Variants in KALRN observed in about 807,000 individuals in gnomAD.
The protein encoded by KALRN is kalirin RhoGEF kinase, also known as kalirin.
KALRN carries 70 observed loss-of-function variants against 353.7 expected under a neutral mutation model. That is an observed-to-expected ratio of 0.20 (90% CI 0.16 to 0.24). The LOEUF is 0.24. KALRN is among the 10% of genes least tolerant of loss of function. The pLI is 1.00. For missense variants in KALRN, 2,791 were observed against 3,756.7 expected (o/e 0.74, Z 6.72); for synonymous variants, 1,391 against 1,434.8 (o/e 0.97, Z 0.69).
chr3:124,608,722 A>G (rs1158251663), intron 34 of KALRN, among the ~76,000 whole-genome samples: 1 of 152,240 alleles, frequency 6.6e-6, no homozygotes, highest in East Asian at 1.9e-4. Flanking sequence ...CTTAGAACAC[A>G]TAACTGAATC....
intron 1 of KALRN, among the ~76,000 whole-genome samples, chr3:124,199,617 A>C (rs1579289816): frequency 6.6e-6 from 1 of 152,222 alleles, no homozygotes; most frequent in Non-Finnish European, 1.5e-5. Flanking sequence ...ATTAGATGCA[A>C]TCCTTTTTTC....
At chr3:124,565,970 A>G (rs1375895210) in intron 34 of KALRN, among the ~76,000 whole-genome samples, 1 of 152,240 alleles carries the variant, frequency 6.6e-6, no homozygotes, top group African/African-American at 2.4e-5. Flanking sequence ...GCAAGAGACA[A>G]AGCTGGGAGG....
intron 1 of KALRN, among the ~76,000 whole-genome samples, chr3:124,051,651 T>C (rs570413315): frequency 6.6e-6 from 1 of 152,312 alleles, no homozygotes; most frequent in African/African-American, 2.4e-5. Flanking sequence ...TTCACCTCTT[T>C]TGATGCGGAA....
At chr3:124,481,692 C>T (rs937902887) in intron 27 of KALRN, among the ~76,000 whole-genome samples, 1 of 152,184 alleles carries the variant, frequency 6.6e-6, no homozygotes, top group South Asian at 2.1e-4. Context: ...ATCATCTAAA[C>T]ACACAATGAT....
chr3:124,584,978 T>A, intron 34 of KALRN: 1 of 1,522,396 alleles, frequency 6.6e-7, no homozygotes, highest in Non-Finnish European at 8.9e-7. Context: ...GGGAGGGTGG[T>A]AGGGAGGGAA....
chr3:124,598,498 C>T (rs1184169026), intron 34 of KALRN, among the ~76,000 whole-genome samples: 2 of 152,144 alleles, frequency 1.3e-5, no homozygotes, highest in Non-Finnish European at 2.9e-5. Context: ...CCTCCTGACT[C>T]CTGGTCCCCT....
Position 124,674,440 on chromosome 3 carries a change from T to A in KALRN, c.7019T>A (p.Ile2340Asn). ...TACTATGCACTGAAGGAGAATGAAA[T>A]CTGTGTGAGCCAAGGTGAGGTGGTC... ...KDYYALKENEICVSQGEVVQV... is the reference protein window; with the variant it reads ...KDYYALKENENCVSQGEVVQV... Residue 2340 changes from isoleucine (I) to asparagine (N), a missense_variant, in exon 49 of 60, where the codon ATC (isoleucine) becomes AAC (asparagine). Physicochemically the swap from Ile to Asn is moderately radical, Grantham distance 149. Coordinates refer to ENST00000682506, the MANE Select transcript of KALRN (RefSeq NM_001388419.1). The A allele has an allele frequency of 1.2e-6, 2 of 1,613,866 alleles. No homozygotes were observed. The highest frequency in any genetic ancestry group is 8.5e-7 in the Non-Finnish European group (1 of 1,179,934).
chr3:124,177,900 G>A (rs1424510728), intron 1 of KALRN, among the ~76,000 whole-genome samples: 3 of 152,108 alleles, frequency 2.0e-5, no homozygotes, highest in Non-Finnish European at 4.4e-5. Flanking sequence ...ATGGATCTCT[G>A]GGTAATAGGT....
chr3:124,380,596 A>G (rs149682531), intron 10 of KALRN, among the ~76,000 whole-genome samples: 1 of 152,330 alleles, frequency 6.6e-6, no homozygotes, highest in East Asian at 1.9e-4. Flanking sequence ...CAAGGCAGAG[A>G]CTAGGAGACT....
At chr3:124,485,581 A>AT (rs1030608642) in intron 28 of KALRN, among the ~76,000 whole-genome samples, 30 of 152,122 alleles carry the variant, frequency 2.0e-4, no homozygotes, top group African/African-American at 7.0e-4. Context: ...AATTATTTTT[A>AT]TTTTTTTAAG....
At chr3:124,522,148 T>C (rs2067215907) in intron 33 of KALRN, among the ~76,000 whole-genome samples, 1 of 151,872 alleles carries the variant, frequency 6.6e-6, no homozygotes, top group Non-Finnish European at 1.5e-5. Flanking sequence ...TCATTTTCTT[T>C]ATTTAGTGAC....
chr3:124,588,615 G>A (rs13092888), intron 34 of KALRN, among the ~76,000 whole-genome samples: 44,722 of 151,906 alleles, frequency 0.29, 7,319 homozygotes, highest in Middle Eastern at 0.4. Context: ...CAGTAGAGAC[G>A]GGGTTTCACC....
At chr3:124,678,444 T>C in intron 50 of KALRN, 131 bp downstream of exon 50, 5 of 969,488 alleles carry the variant, frequency 5.2e-6, no homozygotes, top group Non-Finnish European at 7.6e-6. Flanking sequence ...GGGAAGTAGT[T>C]TAGCAGGATT....
intron 1 of KALRN, among the ~76,000 whole-genome samples, chr3:124,213,618 A>T (rs2077075959): frequency 6.6e-6 from 1 of 152,172 alleles, no homozygotes; most frequent in East Asian, 1.9e-4. Flanking sequence ...TATCCACTAT[A>T]ATGTTTAGCT....
At chr3:124,324,170 C>T (rs778109467) in intron 6 of KALRN, among the ~76,000 whole-genome samples, 5 of 152,208 alleles carry the variant, frequency 3.3e-5, no homozygotes, top group Non-Finnish European at 5.9e-5. Context: ...ATCCTTTATT[C>T]ATTTCCCTCC....
At chr3:124,258,181 G>T (rs1357420041) in intron 3 of KALRN, among the ~76,000 whole-genome samples, 1 of 152,148 alleles carries the variant, frequency 6.6e-6, no homozygotes. Flanking sequence ...AGAGCCAGGG[G>T]GTGGAAGTGC....
At chr3:124,280,278 C>G (rs1040408342) in intron 5 of KALRN, among the ~76,000 whole-genome samples, 2 of 152,198 alleles carry the variant, frequency 1.3e-5, no homozygotes, top group Admixed American at 1.3e-4. Flanking sequence ...TTCCACTGTT[C>G]TGTAGCCCCA....
At chr3:124,299,987 A>C (rs1030867846) in intron 6 of KALRN, among the ~76,000 whole-genome samples, 5 of 152,158 alleles carry the variant, frequency 3.3e-5, no homozygotes, top group Admixed American at 2.6e-4. Flanking sequence ...CATTCCTCAT[A>C]TATCTGAAAA....
At chr3:124,633,280 T>C (rs571719539) in intron 35 of KALRN, among the ~76,000 whole-genome samples, 1 of 152,356 alleles carries the variant, frequency 6.6e-6, no homozygotes, top group East Asian at 1.9e-4. Flanking sequence ...CTGGAAGGTT[T>C]GAGAGACTGT....
Sources: gnomAD v4.1 joint callset for allele counts (sites outside exome capture counted in the v4.1 genomes callset) on GRCh38, gnomAD v4.1.1 for gene constraint, MANE v1.5 for transcripts, NCBI Gene and HGNC (gene_info 2026-07-23, HGNC 2026-07-21) for gene names.